TDRD1: variants seen among roughly 807,000 people sequenced by gnomAD.
TDRD1 encodes the protein tudor domain-containing protein 1.
TDRD1 carries 37 observed loss-of-function variants against 140.6 expected under a neutral mutation model. That is an observed-to-expected ratio of 0.26 (90% CI 0.20 to 0.35). The LOEUF (loss-of-function observed/expected upper bound fraction) is 0.35. Among genes scored for constraint, TDRD1 ranks in the 10% least tolerant of loss-of-function variants. The pLI is 1.00. For synonymous variants in TDRD1, 506 were observed against 475.7 expected, an observed-to-expected ratio of 1.06 and a Z score of -0.83; for missense variants, 1,243 against 1,393.0, an observed-to-expected ratio of 0.89 and a Z score of 1.71.
chr10:114,232,302 G>T (rs1022919144), exon 26 of TDRD1: 1 of 134,210 alleles, frequency 7.5e-6, no homozygotes, highest in Non-Finnish European at 1.6e-5. Flanking sequence ...TCAGTTTAAG[G>T]TTAAAAAAAA....
intron 18 of TDRD1, among the ~76,000 whole-genome samples, chr10:114,219,608 A>T (rs1166623671): frequency 1.4e-4 from 18 of 131,262 alleles, no homozygotes; most frequent in Non-Finnish European, 2.2e-4. Context: ...TTTTTTTGAG[A>T]TGGGGTTTCA....
At chr10:114,221,790 A>C (rs1258096107) in intron 20 of TDRD1, among the ~76,000 whole-genome samples, 2 of 152,232 alleles carry the variant, frequency 1.3e-5, no homozygotes, top group Non-Finnish European at 2.9e-5. Context: ...ACTGCTTTAG[A>C]TATATCGAAA....
At chr10:114,226,099 G>A in exon 22 of TDRD1, 1 of 1,614,008 alleles carries the variant, frequency 6.2e-7, no homozygotes. Context: ...AGACACTGAT[G>A]TGGAAGTGCT....
At chr10:114,222,240 T>C (rs917332553) in intron 20 of TDRD1, among the ~76,000 whole-genome samples, 2 of 152,224 alleles carry the variant, frequency 1.3e-5, no homozygotes, top group Admixed American at 6.5e-5. Context: ...AGGATAATTT[T>C]ATTAAGTATA....
intron 18 of TDRD1, among the ~76,000 whole-genome samples, chr10:114,219,522 T>G (rs1312744965): frequency 6.6e-6 from 1 of 152,110 alleles, no homozygotes; most frequent in Non-Finnish European, 1.5e-5. Flanking sequence ...TAGATGGATT[T>G]ATTTCTTCTG....
rs2034563884 is a variant in TDRD1 at position 114,199,168 on chromosome 10, A to G, written c.385-5A>G. ...TCTAACATTGCTCTTCTTTGTTCTT[A>G]ATAGAAGCCTGGAAATAATGTACGT... On this transcript the variant is annotated splice_polypyrimidine_tract_variant and splice_region_variant and intron_variant, in intron 3 of 25. Coordinates refer to ENST00000251864, the Ensembl canonical transcript of TDRD1. The G allele has an allele frequency of 6.2e-7, 1 of 1,607,446 alleles. No individual in the cohort carries two copies. The highest frequency in any genetic ancestry group is 8.5e-7 in the Non-Finnish European group (1 of 1,178,236).
chr10:114,219,640 T>G (rs1285137332), intron 18 of TDRD1, among the ~76,000 whole-genome samples: 1 of 147,290 alleles, frequency 6.8e-6, no homozygotes, highest in Admixed American at 6.7e-5. Flanking sequence ...CAGGCTGGAG[T>G]GCAATGGCAC....
Position 114,188,026 on chromosome 10 carries a change from C to A in TDRD1, c.195C>A (p.Asn65Lys), listed in dbSNP as rs762501442. 8.1e-6 allele frequency: 13 copies of A among 1,613,964 alleles called. 1 individual carries two copies. The South Asian group carries it at 1.4e-4, about 18-fold the overall frequency. Residue 65 changes from asparagine (N) to lysine (K), a missense_variant, in exon 2 of 26, where the codon AAC becomes AAA. Asn to Lys is a moderately conservative substitution (Grantham distance 94, BLOSUM62 0). This residue lies in a region of TDRD1 where 237 missense variants were observed against 215.5 expected (regional missense o/e 1.10). Coordinates refer to ENST00000251864, the Ensembl canonical transcript of TDRD1. Reference sequence around the variant, plus strand: ...GCTCAGAGAATGGAAATAAAAAGAACAATTTTTTGCTTTGTGAGCAAACCA... The same window carrying A: ...GCTCAGAGAATGGAAATAAAAAGAAAAATTTTTTGCTTTGTGAGCAAACCA...
rs1184076507 is a variant in TDRD1 at position 114,203,987 on chromosome 10, A to G, written c.982-86A>G. 5 of 1,494,194 alleles carry G rather than the reference A, an allele frequency of 3.3e-6. No homozygotes were observed. In the Admixed American group the frequency reaches 1.2e-4, roughly 36 times the overall value. 92.6% of individuals were successfully genotyped at this position (1,494,194 alleles called of 1,614,324 possible). A position where few individuals can be genotyped will look rare whatever the true frequency, so the allele number is the denominator to read the frequency against. ...CTCAGAACAGGAGCCTTTCCTTTGC[A>G]CGTTCTATAGATTGATTGAGGGTTT... is the stretch of plus-strand genomic sequence containing the variant. On this transcript the variant is annotated intron_variant, in intron 8 of 25. Coordinates refer to ENST00000251864, the Ensembl canonical transcript of TDRD1.
chr10:114,186,792 G>GT (rs1304438667), intron 1 of TDRD1, among the ~76,000 whole-genome samples: 3 of 152,010 alleles, frequency 2.0e-5, no homozygotes. Context: ...GTATATTTTT[G>GT]TTTTTATTTC....
chr10:114,185,349 C>T (rs1441494618), intron 1 of TDRD1, among the ~76,000 whole-genome samples: 1 of 151,968 alleles, frequency 6.6e-6, no homozygotes, highest in African/African-American at 2.4e-5. Context: ...GCCACCACAC[C>T]CAGCTAATTT....
At chr10:114,213,560 T>C in exon 15 of TDRD1, 1 of 1,613,956 alleles carries the variant, frequency 6.2e-7, no homozygotes, top group Non-Finnish European at 8.5e-7. Flanking sequence ...TGGTGACAGA[T>C]AAACCCAGTG....
At chr10:114,218,691 C>T (rs2035958357) in intron 18 of TDRD1, 107 bp downstream of exon 18, 3 of 807,700 alleles carry the variant, frequency 3.7e-6, no homozygotes. Context: ...GAGGATCCTG[C>T]TTCATATTAT....
chr10:114,201,840 T>C (rs921709617), intron 5 of TDRD1, among the ~76,000 whole-genome samples: 2 of 152,268 alleles, frequency 1.3e-5, no homozygotes, highest in Admixed American at 6.5e-5. Flanking sequence ...AGTTGTGTTT[T>C]TATTTGTAAA....
chr10:114,203,630 C>G, intron 8 of TDRD1, 63 bp downstream of exon 8: 2 of 1,419,922 alleles, frequency 1.4e-6, no homozygotes, highest in Non-Finnish European at 1.9e-6. Context: ...ATGAACTGAA[C>G]ACCAGAGCTT....
At chr10:114,231,373 G>C in intron 25 of TDRD1, 2 of 872,050 alleles carry the variant, frequency 2.3e-6, no homozygotes, top group Non-Finnish European at 3.7e-6. Flanking sequence ...TGGCTTAAAT[G>C]CGTAATTTCA....
chr10:114,175,482 G>C (rs12571485), upstream of TDRD1, among the ~76,000 whole-genome samples: 1 of 150,792 alleles, frequency 6.6e-6, no homozygotes, highest in African/African-American at 2.4e-5. Flanking sequence ...CATTTTTTTC[G>C]TGAAAAAAAA....
intron 3 of TDRD1, among the ~76,000 whole-genome samples, chr10:114,191,415 A>G (rs1589663631): frequency 6.6e-6 from 1 of 152,194 alleles, no homozygotes. Context: ...CATAGCAGCC[A>G]CTGATATGCA....
chr10:114,206,989 AG>A (rs1252295419), intron 11 of TDRD1, among the ~76,000 whole-genome samples: 2 of 152,174 alleles, frequency 1.3e-5, no homozygotes, highest in African/African-American at 4.8e-5. Flanking sequence ...AGTAATTAAT[AG>A]GGCTGCAAAA....
Sources: allele counts gnomAD v4.1 joint callset (sites outside exome capture counted in the v4.1 genomes callset), GRCh38; gene constraint gnomAD v4.1.1; regional missense constraint gnomAD v4.1.1; transcripts MANE v1.5; gene names NCBI Gene and HGNC (gene_info 2026-07-23, HGNC 2026-07-21).